PRKCE: variants seen among roughly 807,000 people sequenced by gnomAD.
PRKCE encodes the protein protein kinase C epsilon type.
Under a neutral mutation model 85.4 loss-of-function variants are expected in PRKCE, and 16 were observed. The observed-to-expected ratio is 0.19, with a 90% confidence interval of 0.13 to 0.28. The LOEUF (loss-of-function observed/expected upper bound fraction) is 0.28, where lower values mean the gene tolerates loss of function less well. Among genes scored for constraint, PRKCE ranks in the 10% least tolerant of loss-of-function variants. The pLI is 1.00. For missense variants in PRKCE, 573 were observed against 975.2 expected (o/e 0.59, Z 5.49); for synonymous variants, 388 against 371.5 (o/e 1.04, Z -0.51).
chr2:46,111,561 C>G (rs1189062406), intron 11 of PRKCE, among the ~76,000 whole-genome samples: 1 of 152,144 alleles, frequency 6.6e-6, no homozygotes, highest in South Asian at 2.1e-4. Context: ...TTTGCCTGTT[C>G]TGGACATTTT....
intron 1 of PRKCE, among the ~76,000 whole-genome samples, chr2:45,672,054 C>A (rs2103838095): frequency 7.9e-6 from 1 of 126,514 alleles, no homozygotes; most frequent in Admixed American, 8.9e-5. Context: ...CAGAGTGAGA[C>A]CCCCTGTCTC....
chr2:45,766,502 T>G (rs1360642964), intron 1 of PRKCE, among the ~76,000 whole-genome samples: 2 of 152,134 alleles, frequency 1.3e-5, no homozygotes, highest in African/African-American at 4.8e-5. Flanking sequence ...AGAGAATTAA[T>G]GGGGACACGG....
At chr2:46,014,028 G>T (rs549566219) in intron 10 of PRKCE, among the ~76,000 whole-genome samples, 1 of 152,330 alleles carries the variant, frequency 6.6e-6, no homozygotes, top group South Asian at 2.1e-4. Context: ...TACAGCTGAA[G>T]AGAGATTTGG....
At position 46,145,250 on chromosome 2, in the gene PRKCE, G is replaced by C; in HGVS notation, c.1731+19G>C. ...TCCTGAGGTAAGACCTGTGTGCAAA[G>C]GTTCACCTCCTCCTGGTGCCAGGAC... On this transcript the variant is annotated intron_variant, in intron 12 of 14. Transcript: ENST00000306156. The surrounding 1 kb of genome is among the most constrained non-coding windows in gnomAD (Gnocchi z 4.6). 6.3e-7 allele frequency: 1 copy of C among 1,599,316 alleles called. No individual in the cohort carries two copies. Among genetic ancestry groups the C allele is most frequent in the Non-Finnish European group, 8.5e-7 (1 of 1,179,694 alleles).
intron 1 of PRKCE, among the ~76,000 whole-genome samples, chr2:45,744,672 G>A (rs766368400): frequency 3.3e-5 from 5 of 150,618 alleles, no homozygotes; most frequent in African/African-American, 4.9e-5. Flanking sequence ...CAGTGGTGCC[G>A]TCTCCGGCTC....
intron 1 of PRKCE, among the ~76,000 whole-genome samples, chr2:45,679,601 C>A (rs1293322662): frequency 1.3e-5 from 2 of 152,098 alleles, no homozygotes; most frequent in Non-Finnish European, 2.9e-5. Context: ...GTTATGAAGC[C>A]TTTTCAGTAG....
Position 46,185,137 on chromosome 2 carries a change from G to T in PRKCE, c.*256G>T, listed in dbSNP as rs748941430. ...TCAGCAATTAGCTGTATACACTGCC[G>T]TGTTTGGACCATTGGCAAGCCTGGT... On this transcript the variant is annotated 3_prime_UTR_variant, in exon 15 of 15. Coordinates refer to ENST00000306156, the MANE Select transcript of PRKCE (RefSeq NM_005400.3). The surrounding 1 kb of genome is among the most constrained non-coding windows in gnomAD (Gnocchi z 4.7). 1 of 442,308 alleles carries T rather than the reference G, an allele frequency of 2.3e-6. No homozygotes were observed. 27.4% of individuals were successfully genotyped at this position (442,308 alleles called of 1,614,324 possible).
At chr2:45,874,295 A>G (rs1340827633) in intron 2 of PRKCE, among the ~76,000 whole-genome samples, 1 of 152,140 alleles carries the variant, frequency 6.6e-6, no homozygotes, top group African/African-American at 2.4e-5. Flanking sequence ...CTGGATCCCA[A>G]GTTGTTGAAC....
chr2:45,953,425 T>C (rs1700757242), intron 2 of PRKCE, among the ~76,000 whole-genome samples: 1 of 152,178 alleles, frequency 6.6e-6, no homozygotes, highest in Non-Finnish European at 1.5e-5. Context: ...ACATCCTCCT[T>C]GCTCTCTCTC....
chr2:46,100,319 G>A (rs1215368099), intron 11 of PRKCE, among the ~76,000 whole-genome samples: 3 of 152,262 alleles, frequency 2.0e-5, no homozygotes, highest in South Asian at 4.1e-4. Context: ...TCAAATCACC[G>A]TCTGTGGGTT....
intron 1 of PRKCE, among the ~76,000 whole-genome samples, chr2:45,727,779 T>A (rs548502588): frequency 6.6e-6 from 1 of 152,154 alleles, no homozygotes; most frequent in Non-Finnish European, 1.5e-5. Context: ...TTCAGCCTCC[T>A]GAGTAGCTGG....
chr2:45,818,858 T>C (rs1023816474), intron 1 of PRKCE, among the ~76,000 whole-genome samples: 1 of 151,754 alleles, frequency 6.6e-6, no homozygotes, highest in Non-Finnish European at 1.5e-5. Flanking sequence ...TGCCACCGAG[T>C]GTATCTAATA....
chr2:45,815,922 A>T (rs1370445354), intron 1 of PRKCE, among the ~76,000 whole-genome samples: 1 of 152,162 alleles, frequency 6.6e-6, no homozygotes, highest in African/African-American at 2.4e-5. Context: ...CACAAATCCC[A>T]TGCCAGCCCT....
chr2:46,135,606 T>C (rs1399829597), intron 11 of PRKCE, among the ~76,000 whole-genome samples: 2 of 152,238 alleles, frequency 1.3e-5, no homozygotes, highest in South Asian at 2.1e-4. Flanking sequence ...TCCTAAATGA[T>C]TGAATTTTCC....
At chr2:45,925,212 C>G (rs1346719004) in intron 2 of PRKCE, among the ~76,000 whole-genome samples, 18 of 152,136 alleles carry the variant, frequency 1.2e-4, no homozygotes, top group African/African-American at 4.1e-4. Flanking sequence ...GAGGGTGTTC[C>G]CCTTTCCTTT....
chr2:45,954,407 A>C (rs988083771), intron 2 of PRKCE, among the ~76,000 whole-genome samples: 22 of 152,332 alleles, frequency 1.4e-4, no homozygotes, highest in African/African-American at 5.3e-4. Context: ...CTTTATTGTA[A>C]AATAAGCAAA....
At chr2:46,180,428 C>T (rs1489986911) in intron 14 of PRKCE, among the ~76,000 whole-genome samples, 1 of 152,142 alleles carries the variant, frequency 6.6e-6, no homozygotes, top group Admixed American at 6.5e-5. Context: ...GACTTTACCC[C>T]AAAAGCCGTG....
At chr2:45,973,046 A>G (rs1225367615) in intron 2 of PRKCE, among the ~76,000 whole-genome samples, 1 of 152,222 alleles carries the variant, frequency 6.6e-6, no homozygotes, top group African/African-American at 2.4e-5. Flanking sequence ...GTACTGGCAT[A>G]AAAACAGACA....
At chr2:46,164,872 C>T (rs1415385317) in intron 14 of PRKCE, 2 of 152,314 alleles carry the variant, frequency 1.3e-5, no homozygotes, top group Non-Finnish European at 2.9e-5. Flanking sequence ...AGCACAACAG[C>T]TTTCAGGCCT....
Sources: gnomAD v4.1 joint callset for allele counts (sites outside exome capture counted in the v4.1 genomes callset) on GRCh38, gnomAD v4.1.1 for gene constraint, Gnocchi (gnomAD v3.1) non-coding constraint, MANE v1.5 for transcripts, NCBI Gene and HGNC (gene_info 2026-07-23, HGNC 2026-07-21) for gene names.